KCNIP1: variants seen among roughly 807,000 people sequenced by gnomAD.
KCNIP1 encodes potassium voltage-gated channel interacting protein 1, also known as A-type potassium channel modulatory protein KCNIP1.
In KCNIP1, 18 loss-of-function variants were observed where a neutral mutation model predicts 33.0. The observed-to-expected ratio is 0.55, with a 90% confidence interval of 0.38 to 0.81. The LOEUF is 0.81. KCNIP1 is among the 30% of genes least tolerant of loss of function. The pLI, the probability that KCNIP1 is intolerant of heterozygous loss-of-function variation, is 0.00. For missense variants in KCNIP1, 238 were observed against 271.6 expected (o/e 0.88, Z 0.87); for synonymous variants, 93 against 98.3 (o/e 0.95, Z 0.32).
At chr5:170,499,428 C>G (rs528025008), upstream of KCNIP1, among the ~76,000 whole-genome samples, 3 of 152,240 alleles carry the variant, frequency 2.0e-5, no homozygotes, top group Non-Finnish European at 4.4e-5. Flanking sequence ...TCACCAATCC[C>G]TCACAGCAAC....
chr5:170,699,839 T>C (rs329465), intron 1 of KCNIP1, among the ~76,000 whole-genome samples: 107,117 of 152,030 alleles, frequency 0.7, 39,152 homozygotes, highest in East Asian at 0.94. Flanking sequence ...TTGCCATGAG[T>C]CAGCAAGGAG....
chr5:170,592,573 G>C (rs1247367306), intron 1 of KCNIP1, among the ~76,000 whole-genome samples: 1 of 152,138 alleles, frequency 6.6e-6, no homozygotes, highest in African/African-American at 2.4e-5. Flanking sequence ...TACATAAATT[G>C]AGTGTGGTTT....
At chr5:170,438,684 A>G (rs1370403215) in intron 1 of KCNIP1, among the ~76,000 whole-genome samples, 1 of 152,060 alleles carries the variant, frequency 6.6e-6, no homozygotes, top group Non-Finnish European at 1.5e-5. Flanking sequence ...ACGAAGCTCT[A>G]AAGTCAGCCC....
intron 1 of KCNIP1, among the ~76,000 whole-genome samples, chr5:170,439,321 T>C (rs921017068): frequency 4.6e-5 from 7 of 152,150 alleles, no homozygotes; most frequent in African/African-American, 9.7e-5. Flanking sequence ...ATTCCACAAA[T>C]TGAAGCATTT....
At chr5:170,725,647 T>G (rs1032952142) in intron 5 of KCNIP1, among the ~76,000 whole-genome samples, 1 of 152,120 alleles carries the variant, frequency 6.6e-6, no homozygotes, top group Non-Finnish European at 1.5e-5. Flanking sequence ...ATTGAACATT[T>G]TAACTAAAAG....
intron 1 of KCNIP1, chr5:170,482,913 C>G (rs1757006130): frequency 3.1e-6 from 1 of 327,834 alleles, no homozygotes; most frequent in Non-Finnish European, 6.0e-6. Context: ...CCCACCCCTT[C>G]TGTCCTGAGA....
intron 1 of KCNIP1, among the ~76,000 whole-genome samples, chr5:170,540,986 T>C (rs1027299971): frequency 4.6e-5 from 7 of 152,232 alleles, no homozygotes; most frequent in Non-Finnish European, 1.0e-4. Flanking sequence ...CGATCTCATC[T>C]ATAGAATGGG....
intron 1 of KCNIP1, among the ~76,000 whole-genome samples, chr5:170,643,841 G>C (rs1760678063): frequency 6.6e-6 from 1 of 152,238 alleles, no homozygotes; most frequent in Non-Finnish European, 1.5e-5. Flanking sequence ...CCCTGGCTCT[G>C]TGCCTTCACC....
intron 1 of KCNIP1, among the ~76,000 whole-genome samples, chr5:170,658,912 G>A (rs1761372500): frequency 6.6e-6 from 1 of 152,144 alleles, no homozygotes; most frequent in Non-Finnish European, 1.5e-5. Context: ...TGGGAGCCTA[G>A]AAACTGAGAC....
intron 1 of KCNIP1, among the ~76,000 whole-genome samples, chr5:170,387,290 G>A (rs1764515022): frequency 1.3e-5 from 2 of 152,116 alleles, no homozygotes; most frequent in Admixed American, 6.5e-5. Flanking sequence ...TGTTTAATTA[G>A]CCAGTGTCCG....
At chr5:170,456,829 C>G (rs1756392515) in intron 1 of KCNIP1, among the ~76,000 whole-genome samples, 1 of 151,966 alleles carries the variant, frequency 6.6e-6, no homozygotes, top group African/African-American at 2.4e-5. Flanking sequence ...AGTGATCCTC[C>G]TACCTCAGAC....
chr5:170,413,807 C>T (rs1252394449), intron 1 of KCNIP1, among the ~76,000 whole-genome samples: 1 of 152,002 alleles, frequency 6.6e-6, no homozygotes, highest in Non-Finnish European at 1.5e-5. Context: ...GCCATTGACC[C>T]ACTCAGAAGC....
At chr5:170,663,007 C>T (rs2113752250) in intron 1 of KCNIP1, among the ~76,000 whole-genome samples, 1 of 152,314 alleles carries the variant, frequency 6.6e-6, no homozygotes, top group East Asian at 1.9e-4. Flanking sequence ...CTAAAAGCCA[C>T]CCTGAGGACA....
At chr5:170,491,363 G>A (rs908417287) in intron 1 of KCNIP1, among the ~76,000 whole-genome samples, 10 of 152,164 alleles carry the variant, frequency 6.6e-5, no homozygotes, top group African/African-American at 2.4e-4. Context: ...GACTTTCCCA[G>A]CCAGGACTCA....
chr5:170,369,907 C>T (rs1051835198), intron 1 of KCNIP1, among the ~76,000 whole-genome samples: 1 of 152,228 alleles, frequency 6.6e-6, no homozygotes, highest in African/African-American at 2.4e-5. Context: ...GAAGTGGACT[C>T]TCAAGGAAGC....
Position 170,676,522 on chromosome 5 carries a change from A to C in KCNIP1, c.62-42236A>C, listed in dbSNP as rs149700949. Among the ~76,000 whole-genome samples the C allele has an allele frequency of 4.9e-3, 752 of 152,288 alleles. 2 individuals carry two copies. Among genetic ancestry groups the C allele is most frequent in the African/African-American group, 0.017 (716 of 41,560 alleles). On this transcript the variant is annotated intron_variant, in intron 1 of 7. Transcript: ENST00000328939. ...TTTCGCACCTTTTAAAGAAAAGAAA[A>C]CTTCAAGTGCAATTATTGGCATTAT...
chr5:170,408,170 T>C (rs925381208), intron 1 of KCNIP1, among the ~76,000 whole-genome samples: 1 of 152,154 alleles, frequency 6.6e-6, no homozygotes, highest in Non-Finnish European at 1.5e-5. Context: ...CAGTAGTCAA[T>C]AGTGGATGGC....
At chr5:170,385,225 A>G in intron 1 of KCNIP1, 1 of 1,406,600 alleles carries the variant, frequency 7.1e-7, no homozygotes, top group Non-Finnish European at 1.0e-6. Context: ...AGGGTCAAGG[A>G]GAGGGGTGAG....
intron 1 of KCNIP1, among the ~76,000 whole-genome samples, chr5:170,373,108 A>G (rs1763891679): frequency 6.6e-6 from 1 of 152,198 alleles, no homozygotes; most frequent in African/African-American, 2.4e-5. Flanking sequence ...GTGAAAATGT[A>G]CTTATGTAAG....
Sources: allele counts gnomAD v4.1 joint callset (sites outside exome capture counted in the v4.1 genomes callset), GRCh38; gene constraint gnomAD v4.1.1; transcripts MANE v1.5; gene names NCBI Gene and HGNC (gene_info 2026-07-23, HGNC 2026-07-21).